XIRP2: variants seen among roughly 807,000 people sequenced by gnomAD.
XIRP2 encodes xin actin binding repeat containing 2, also known as xin actin-binding repeat-containing protein 2.
In XIRP2, 236 loss-of-function variants were observed where a neutral mutation model predicts 277.0. That is an observed-to-expected ratio of 0.85 (90% CI 0.77 to 0.95). The LOEUF (loss-of-function observed/expected upper bound fraction) is 0.95. XIRP2 is among the 40% of genes least tolerant of loss of function. The pLI is 0.00. For missense variants in XIRP2, 4,640 were observed against 4,157.5 expected, an observed-to-expected ratio of 1.12 and a Z score of -3.19; for synonymous variants, 1,490 against 1,416.5, an observed-to-expected ratio of 1.05 and a Z score of -1.17.
At chr2:166,923,793 C>T (rs1245431021) in intron 2 of XIRP2, among the ~76,000 whole-genome samples, 1 of 152,052 alleles carries the variant, frequency 6.6e-6, no homozygotes. Context: ...TAAAGTGTAT[C>T]TCCTGGGAGC....
intron 2 of XIRP2, among the ~76,000 whole-genome samples, chr2:166,921,872 C>CATA (rs1247049741): frequency 1.3e-5 from 2 of 152,150 alleles, no homozygotes; most frequent in Non-Finnish European, 2.9e-5. Context: ...TTGTCCCTTG[C>CATA]ATATGGTCAG....
In XIRP2 at chr2:167,180,831, C is replaced by T. The variant is rs190301733; in HGVS notation, c.563-29904C>T. On this transcript the variant is annotated intron_variant, in intron 3 of 10. Transcript: ENST00000409195. ...CCATTTCCTTTCAATAAGATGAGTACATTTTTCTTATTGTGCCATCACTAA... is the reference window on the plus strand; with the variant it reads ...CCATTTCCTTTCAATAAGATGAGTATATTTTTCTTATTGTGCCATCACTAA... Among the ~76,000 whole-genome samples, 3 of 152,278 alleles carry T rather than the reference C, an allele frequency of 2.0e-5. No individual in the cohort carries two copies. The East Asian group carries it at 5.8e-4, about 29-fold the overall frequency.
At chr2:167,058,587 G>T (rs981591708) in intron 2 of XIRP2, among the ~76,000 whole-genome samples, 1 of 152,114 alleles carries the variant, frequency 6.6e-6, no homozygotes, top group Non-Finnish European at 1.5e-5. Context: ...CCTCTCAGTT[G>T]GTATCTCACC....
At position 167,239,983 on chromosome 2, in the gene XIRP2, C is replaced by T. The variant is rs749192961; in HGVS notation, c.969+18C>T. ...CAGAAATGGTAACTATTTAGAAAGG[C>T]AGTACTTTCAAACAGTTTCCAGGAC... On this transcript the variant is annotated intron_variant, in intron 6 of 10. Coordinates refer to ENST00000409195, the MANE Select transcript of XIRP2 (RefSeq NM_152381.6). The T allele has an allele frequency of 2.2e-5, 35 of 1,571,964 alleles. No homozygotes were observed. The East Asian group carries it at 8.0e-4, about 36-fold the overall frequency.
chr2:166,943,946 G>A (rs1685788259), intron 2 of XIRP2, among the ~76,000 whole-genome samples: 1 of 152,136 alleles, frequency 6.6e-6, no homozygotes, highest in African/African-American at 2.4e-5. Flanking sequence ...TCCTTAGCAG[G>A]CATCCTCACA....
chr2:167,046,946 AAAG>A (rs1234973222), intron 2 of XIRP2, among the ~76,000 whole-genome samples: 3 of 152,110 alleles, frequency 2.0e-5, no homozygotes, highest in African/African-American at 4.8e-5. Flanking sequence ...AAGAAAAAAA[AAAG>A]AAATTTCATA....
chr2:167,197,879 A>G (rs182289835), intron 3 of XIRP2, among the ~76,000 whole-genome samples: 89 of 152,322 alleles, frequency 5.8e-4, no homozygotes, highest in African/African-American at 1.9e-3. Flanking sequence ...TGTTAAATTC[A>G]TCACTGATGT....
Position 167,250,939 on chromosome 2 carries a change from G to C in XIRP2, c.9547G>C (p.Val3183Leu), listed in dbSNP as rs956094433. ...SPPRSRSEQL[V>L]RLKDTTAKLS... is the part of the protein sequence containing the mutation. Reference sequence around the variant, plus strand: ...ACCCAGGAGTCGCTCTGAACAACTTGTCAGACTCAAAGACACCACTGCAAA... The same window carrying C: ...ACCCAGGAGTCGCTCTGAACAACTTCTCAGACTCAAAGACACCACTGCAAA... Residue 3183 changes from valine to leucine, a missense_variant, in exon 9 of 11, where the codon GTC becomes CTC. By Grantham distance (32) the Val-to-Leu change is conservative (BLOSUM62 1). Coordinates refer to ENST00000409195, the MANE Select transcript of XIRP2 (RefSeq NM_152381.6). 1 of 1,613,342 alleles carries C rather than the reference G, an allele frequency of 6.2e-7. No individual in the cohort carries two copies. The highest frequency in any genetic ancestry group is 8.5e-7 in the Non-Finnish European group (1 of 1,179,698).
chr2:167,180,925 T>G (rs1199679662), intron 3 of XIRP2, among the ~76,000 whole-genome samples: 1 of 152,230 alleles, frequency 6.6e-6, no homozygotes, highest in Non-Finnish European at 1.5e-5. Flanking sequence ...AAATCTTGAA[T>G]TACTGATACT....
At chr2:167,253,742 C>T (rs1345400018) in intron 9 of XIRP2, among the ~76,000 whole-genome samples, 2 of 151,566 alleles carry the variant, frequency 1.3e-5, no homozygotes, top group Non-Finnish European at 2.9e-5. Flanking sequence ...TTGTAATGTA[C>T]TTATATGTCT....
intron 2 of XIRP2, among the ~76,000 whole-genome samples, chr2:167,030,042 G>T (rs1343282019): frequency 6.6e-6 from 1 of 152,012 alleles, no homozygotes; most frequent in African/African-American, 2.4e-5. Flanking sequence ...TTGTATTTTG[G>T]TGGGATCAGT....
At chr2:167,016,289 G>T (rs1040975686) in intron 2 of XIRP2, among the ~76,000 whole-genome samples, 15 of 151,642 alleles carry the variant, frequency 9.9e-5, no homozygotes, top group Non-Finnish European at 4.4e-5. Context: ...CTAAAAGTCA[G>T]TTTCATTAGG....
intron 2 of XIRP2, among the ~76,000 whole-genome samples, chr2:167,022,774 T>G (rs762389757): frequency 5.9e-5 from 9 of 152,206 alleles, no homozygotes; most frequent in African/African-American, 9.7e-5. Flanking sequence ...ACAAAGGACA[T>G]GAACTCATCC....
intron 3 of XIRP2, among the ~76,000 whole-genome samples, chr2:167,146,284 G>A (rs1443113253): frequency 6.6e-6 from 1 of 151,998 alleles, no homozygotes; most frequent in Non-Finnish European, 1.5e-5. Flanking sequence ...TGGATCACTT[G>A]AGGTCAGGAG....
At chr2:166,916,569 A>G (rs758002217) in intron 2 of XIRP2, among the ~76,000 whole-genome samples, 8 of 152,236 alleles carry the variant, frequency 5.3e-5, no homozygotes, top group Non-Finnish European at 7.3e-5. Context: ...AAAATAAAAA[A>G]TAAGGATTAT....
intron 2 of XIRP2, among the ~76,000 whole-genome samples, chr2:166,999,110 G>GATAA (rs3060684): frequency 0.19 from 29,099 of 151,832 alleles, 3,657 homozygotes; most frequent in East Asian, 0.67. Context: ...TTAAGTGGAA[G>GATAA]ATAAAATAAA....
At chr2:166,915,019 T>G (rs1684822880) in intron 2 of XIRP2, among the ~76,000 whole-genome samples, 1 of 151,906 alleles carries the variant, frequency 6.6e-6, no homozygotes, top group Admixed American at 6.6e-5. Context: ...CATATTAGTC[T>G]GGGAGCGGTG....
intron 2 of XIRP2, among the ~76,000 whole-genome samples, chr2:166,994,347 G>A (rs1160142229): frequency 2.9e-4 from 29 of 101,732 alleles, no homozygotes; most frequent in Non-Finnish European, 4.6e-4. Context: ...GGAGGGGGGA[G>A]GGATAGCATT....
At chr2:166,984,725 C>T (rs1275880305) in intron 2 of XIRP2, among the ~76,000 whole-genome samples, 1 of 152,098 alleles carries the variant, frequency 6.6e-6, no homozygotes, top group South Asian at 2.1e-4. Flanking sequence ...ATTATGAAAA[C>T]ACTGATATCA....
Sources: gnomAD v4.1 joint callset for allele counts (sites outside exome capture counted in the v4.1 genomes callset) on GRCh38, gnomAD v4.1.1 for gene constraint, MANE v1.5 for transcripts, NCBI Gene and HGNC (gene_info 2026-07-23, HGNC 2026-07-21) for gene names.